TMEM178B: variants seen among roughly 807,000 people sequenced by gnomAD.
The protein encoded by TMEM178B is transmembrane protein 178B.
A neutral mutation model predicts 31.0 loss-of-function variants in TMEM178B; 5 were observed. The observed-to-expected ratio is 0.16, with a 90% CI of 0.08 to 0.34. The LOEUF (loss-of-function observed/expected upper bound fraction) is 0.34. TMEM178B is among the 10% of genes least tolerant of loss of function. The pLI is 1.00. For missense variants in TMEM178B, 275 were observed against 400.3 expected (o/e 0.69, Z 2.67); for synonymous variants, 164 against 164.0 (o/e 1.00, Z 0.00).
intron 2 of TMEM178B, among the ~76,000 whole-genome samples, chr7:141,320,890 A>C (rs573177842): frequency 2.0e-5 from 3 of 152,190 alleles, no homozygotes; most frequent in African/African-American, 7.2e-5. Context: ...CTTAAGCTCC[A>C]GGCTGTGGCA....
chr7:141,455,345 T>A (rs538746307), intron 3 of TMEM178B, among the ~76,000 whole-genome samples: 3 of 152,176 alleles, frequency 2.0e-5, no homozygotes, highest in African/African-American at 7.2e-5. Flanking sequence ...TGGGGCCACA[T>A]TGGATAATGA....
At chr7:141,459,007 G>GT (rs1468510922) in intron 3 of TMEM178B, among the ~76,000 whole-genome samples, 2 of 151,454 alleles carry the variant, frequency 1.3e-5, no homozygotes, top group Non-Finnish European at 2.9e-5. Flanking sequence ...AGATTTCAAT[G>GT]TTTTTTTGGT....
chr7:141,261,280 A>G (rs1346406438), intron 2 of TMEM178B, among the ~76,000 whole-genome samples: 3 of 150,660 alleles, frequency 2.0e-5, no homozygotes, highest in African/African-American at 4.9e-5. Context: ...ACTTCTTCCT[A>G]TTTGCCTCAA....
At chr7:141,252,513 G>A (rs1294815799) in intron 2 of TMEM178B, among the ~76,000 whole-genome samples, 1 of 152,244 alleles carries the variant, frequency 6.6e-6, no homozygotes, top group Non-Finnish European at 1.5e-5. Context: ...GTTGAGAAAT[G>A]AAGATGAGAA....
At chr7:141,389,139 GAAAC>G (rs1473770816) in intron 2 of TMEM178B, among the ~76,000 whole-genome samples, 1 of 152,146 alleles carries the variant, frequency 6.6e-6, no homozygotes, top group Admixed American at 6.5e-5. Flanking sequence ...CCAGCCAGCG[GAAAC>G]ATGCCAGCAA....
intron 2 of TMEM178B, among the ~76,000 whole-genome samples, chr7:141,257,069 A>G (rs996248606): frequency 1.3e-5 from 2 of 152,216 alleles, no homozygotes; most frequent in East Asian, 1.9e-4. Context: ...ACATCCCAAC[A>G]TAGAGTCATG....
chr7:141,466,788 C>G (rs576233332), intron 3 of TMEM178B, among the ~76,000 whole-genome samples: 1 of 152,306 alleles, frequency 6.6e-6, no homozygotes, highest in South Asian at 2.1e-4. Flanking sequence ...ACTCACCTCA[C>G]TGCCCCCGCT....
At chr7:141,105,315 C>A (rs953915363) in intron 1 of TMEM178B, among the ~76,000 whole-genome samples, 5 of 152,138 alleles carry the variant, frequency 3.3e-5, no homozygotes, top group African/African-American at 1.2e-4. Flanking sequence ...CAAGACCAGC[C>A]TGGCCAACGT....
intron 2 of TMEM178B, among the ~76,000 whole-genome samples, chr7:141,287,104 A>G (rs1798459351): frequency 6.6e-6 from 1 of 151,828 alleles, no homozygotes; most frequent in African/African-American, 2.4e-5. Context: ...CCCTCCTTCC[A>G]TCCACCTCCC....
rs1023597231 is a variant in TMEM178B, at chr7:141,308,812, G to A, written c.496+96108G>A. Among the ~76,000 whole-genome samples, 6 of 152,288 alleles carry A rather than the reference G, an allele frequency of 3.9e-5. No individual in the cohort carries two copies. In the East Asian group the frequency reaches 1.2e-3, roughly 29 times the overall value. Reference sequence around the variant, plus strand: ...GCTGGGCCATGAGCTGGGTGGGGAGGGGCCAGGACCCCGGCTCCTGAATCC... The same window carrying A: ...GCTGGGCCATGAGCTGGGTGGGGAGAGGCCAGGACCCCGGCTCCTGAATCC... On this transcript the variant is annotated intron_variant, in intron 2 of 3. Coordinates refer to ENST00000565468, the MANE Select transcript of TMEM178B (RefSeq NM_001195278.2).
At chr7:141,285,796 C>T (rs764213638) in intron 2 of TMEM178B, among the ~76,000 whole-genome samples, 67 of 152,222 alleles carry the variant, frequency 4.4e-4, no homozygotes, top group Admixed American at 1.2e-3. Context: ...TTTGCAGGGA[C>T]ATGGATGAAG....
chr7:141,372,776 A>G (rs1301819690), intron 2 of TMEM178B, among the ~76,000 whole-genome samples: 1 of 152,120 alleles, frequency 6.6e-6, no homozygotes, highest in Non-Finnish European at 1.5e-5. Flanking sequence ...AGTTCTGAGG[A>G]TGTCTTCCGT....
chr7:141,242,666 G>A (rs1396662437), intron 2 of TMEM178B, among the ~76,000 whole-genome samples: 5 of 150,988 alleles, frequency 3.3e-5, no homozygotes, highest in African/African-American at 9.7e-5. Flanking sequence ...CTCAGCTCCC[G>A]GGCAGCTGGG....
At chr7:141,433,488 T>C (rs1431337927) in intron 2 of TMEM178B, among the ~76,000 whole-genome samples, 3 of 152,248 alleles carry the variant, frequency 2.0e-5, no homozygotes, top group Non-Finnish European at 4.4e-5. Flanking sequence ...TCTCCTTTTC[T>C]ATTTTCCCCA....
intron 1 of TMEM178B, among the ~76,000 whole-genome samples, chr7:141,150,153 G>A (rs1242416939): frequency 6.6e-6 from 1 of 152,168 alleles, no homozygotes; most frequent in Non-Finnish European, 1.5e-5. Flanking sequence ...CAGAAGCTGA[G>A]CCAGAGGTAT....
chr7:141,375,458 A>G (rs1237371636), intron 2 of TMEM178B, among the ~76,000 whole-genome samples: 1 of 152,236 alleles, frequency 6.6e-6, no homozygotes, highest in Non-Finnish European at 1.5e-5. Context: ...AGTTACAAAT[A>G]TAGTAGAAAC....
chr7:141,090,283 C>G (rs1794860687), intron 1 of TMEM178B, among the ~76,000 whole-genome samples: 1 of 152,190 alleles, frequency 6.6e-6, no homozygotes. Flanking sequence ...ACTATGACCT[C>G]AAGGGGTCCT....
intron 2 of TMEM178B, among the ~76,000 whole-genome samples, chr7:141,273,166 T>TA (rs141035560): frequency 0.026 from 3,977 of 152,194 alleles, 168 homozygotes; most frequent in African/African-American, 0.091. Context: ...ATGTGGAATC[T>TA]AAAAAAATCA....
chr7:141,199,414 G>A (rs1047773751), intron 1 of TMEM178B, among the ~76,000 whole-genome samples: 4 of 152,230 alleles, frequency 2.6e-5, no homozygotes, highest in African/African-American at 9.6e-5. Context: ...GTTAGCAAAT[G>A]CAATGATAAG....
Sources: gnomAD v4.1 joint callset for allele counts (sites outside exome capture counted in the v4.1 genomes callset) on GRCh38, gnomAD v4.1.1 for gene constraint, MANE v1.5 for transcripts, NCBI Gene and HGNC (gene_info 2026-07-23, HGNC 2026-07-21) for gene names.